The following RARB variants were observed in gnomAD, a reference collection of about 807,000 sequenced individuals.
RARB encodes HBV-activated protein.
In RARB, 17 loss-of-function variants were observed where a neutral mutation model predicts 51.9. That is an observed-to-expected ratio of 0.33 (90% confidence interval 0.22 to 0.49). The LOEUF (loss-of-function observed/expected upper bound fraction) is 0.49, where lower values mean the gene tolerates loss of function less well. Ranked by LOEUF, RARB falls within the 20% of genes least tolerant of loss-of-function variation. RARB has a pLI of 0.99. For synonymous variants in RARB, 215 were observed against 195.4 expected (o/e 1.10, Z -0.84); for missense variants, 369 against 550.8 (o/e 0.67, Z 3.30).
intron 1 of RARB, among the ~76,000 whole-genome samples, chr3:25,437,515 CATGAT>C (rs1439418013): frequency 6.6e-6 from 1 of 152,100 alleles, no homozygotes; most frequent in African/African-American, 2.4e-5. Flanking sequence ...CCTCTGAACT[CATGAT>C]ATAATGGGAA....
At chr3:25,234,823 G>C (rs1305459669) in intron 5 of RARB, among the ~76,000 whole-genome samples, 2 of 152,134 alleles carry the variant, frequency 1.3e-5, no homozygotes, top group Admixed American at 1.3e-4. Context: ...ACACTCTTCA[G>C]CCCACAGGGA....
intron 2 of RARB, among the ~76,000 whole-genome samples, chr3:24,965,501 G>T (rs979262041): frequency 6.6e-6 from 1 of 152,134 alleles, no homozygotes; most frequent in Non-Finnish European, 1.5e-5. Context: ...TTTTCATCAT[G>T]GAGAGGTGAT....
At chr3:25,116,984 G>A (rs1386540107) in intron 3 of RARB, among the ~76,000 whole-genome samples, 2 of 152,126 alleles carry the variant, frequency 1.3e-5, no homozygotes, top group African/African-American at 4.8e-5. Flanking sequence ...CAACTTTACA[G>A]GTTGTTTCAT....
At chr3:25,466,076 AT>A (rs1695416925) in intron 2 of RARB, among the ~76,000 whole-genome samples, 1 of 152,148 alleles carries the variant, frequency 6.6e-6, no homozygotes, top group Non-Finnish European at 1.5e-5. Flanking sequence ...ACCTCATGGT[AT>A]TGTTGTGAGG....
chr3:25,046,176 A>T (rs1698209597), intron 2 of RARB, among the ~76,000 whole-genome samples: 1 of 152,216 alleles, frequency 6.6e-6, no homozygotes, highest in African/African-American at 2.4e-5. Flanking sequence ...GGAGAAAAAA[A>T]CCGCTGGGCC....
At chr3:25,173,744 T>C (rs1700689490) in intron 4 of RARB, among the ~76,000 whole-genome samples, 1 of 152,228 alleles carries the variant, frequency 6.6e-6, no homozygotes, top group Non-Finnish European at 1.5e-5. Context: ...GCATAACTGT[T>C]AACAAAAACA....
intron 5 of RARB, among the ~76,000 whole-genome samples, chr3:25,394,512 CT>C (rs1475917419): frequency 6.6e-6 from 1 of 152,088 alleles, no homozygotes; most frequent in Admixed American, 6.6e-5. Flanking sequence ...AGTCCCCCAA[CT>C]ATTATTGTGT....
At chr3:24,947,958 A>G (rs764171145) in intron 2 of RARB, among the ~76,000 whole-genome samples, 5 of 150,882 alleles carry the variant, frequency 3.3e-5, no homozygotes, top group Non-Finnish European at 7.4e-5. Context: ...TTTTTTTTTC[A>G]GGAAGTGGCT....
chr3:25,557,850 C>T (rs1200936973), intron 3 of RARB, among the ~76,000 whole-genome samples: 1 of 152,174 alleles, frequency 6.6e-6, no homozygotes, highest in Admixed American at 6.5e-5. Flanking sequence ...GAACTGCAAG[C>T]CTCACCCTAT....
chr3:25,563,579 C>T (rs1037404048), intron 3 of RARB, among the ~76,000 whole-genome samples: 5 of 152,172 alleles, frequency 3.3e-5, no homozygotes, highest in African/African-American at 9.7e-5. Flanking sequence ...TGAATTAAAT[C>T]CTTAGGTTGT....
intron 5 of RARB, among the ~76,000 whole-genome samples, chr3:25,201,499 G>C (rs555295870): frequency 6.6e-6 from 1 of 152,278 alleles, no homozygotes; most frequent in South Asian, 2.1e-4. Context: ...GGGCATCCCT[G>C]TCTTGTGCCA....
chr3:25,109,167 G>A (rs968176364), intron 3 of RARB, among the ~76,000 whole-genome samples: 1 of 152,146 alleles, frequency 6.6e-6, no homozygotes, highest in Non-Finnish European at 1.5e-5. Context: ...GTTCAAATGG[G>A]TAGGTATAGT....
intron 2 of RARB, among the ~76,000 whole-genome samples, chr3:24,970,198 C>G (rs1390267771): frequency 6.6e-6 from 1 of 152,042 alleles, no homozygotes; most frequent in Admixed American, 6.6e-5. Context: ...TGGCCTATGG[C>G]TGTAGCTTAC....
intron 2 of RARB, among the ~76,000 whole-genome samples, chr3:24,873,045 A>C (rs1013919014): frequency 6.6e-6 from 1 of 152,242 alleles, no homozygotes; most frequent in Admixed American, 6.5e-5. Flanking sequence ...TTCTAGCATA[A>C]AAGCAGTTAT....
chr3:25,524,888 C>A (rs993671721), intron 3 of RARB, among the ~76,000 whole-genome samples: 1 of 151,956 alleles, frequency 6.6e-6, no homozygotes, highest in Non-Finnish European at 1.5e-5. Flanking sequence ...CACCATCACA[C>A]CCAGCTAATT....
chr3:24,899,624 A>T (rs1432303256), intron 2 of RARB, among the ~76,000 whole-genome samples: 1 of 152,174 alleles, frequency 6.6e-6, no homozygotes, highest in Non-Finnish European at 1.5e-5. Context: ...CCAGACTAAT[A>T]AGCTGGGTAG....
chr3:25,127,958 T>C (rs1699888374), intron 3 of RARB, among the ~76,000 whole-genome samples: 1 of 152,124 alleles, frequency 6.6e-6, no homozygotes, highest in Non-Finnish European at 1.5e-5. Flanking sequence ...AGGATGACCC[T>C]CCTAATGAAG....
chr3:25,198,194 G>T (rs1270069963), intron 5 of RARB, among the ~76,000 whole-genome samples: 1 of 151,520 alleles, frequency 6.6e-6, no homozygotes, highest in Non-Finnish European at 1.5e-5. Flanking sequence ...TCGTCAATTA[G>T]TGGTCCTGGG....
intron 3 of RARB, among the ~76,000 whole-genome samples, chr3:25,563,551 C>T (rs552611073): frequency 3.4e-4 from 52 of 152,260 alleles, no homozygotes; most frequent in African/African-American, 1.1e-3. Flanking sequence ...TACAGTGGGA[C>T]GTGCTATGTT....
Sources: gnomAD v4.1 joint callset for allele counts (sites outside exome capture counted in the v4.1 genomes callset) on GRCh38, gnomAD v4.1.1 for gene constraint, MANE v1.5 for transcripts, NCBI Gene and HGNC (gene_info 2026-07-23, HGNC 2026-07-21) for gene names.